Variants in NRAP observed in about 807,000 individuals in gnomAD.
NRAP encodes the protein nebulin related anchoring protein.
NRAP carries 189 observed loss-of-function variants against 225.9 expected under a neutral mutation model. The observed-to-expected ratio is 0.84, with a 90% CI of 0.74 to 0.94. The LOEUF (loss-of-function observed/expected upper bound fraction) is 0.94, where lower values mean the gene tolerates loss of function less well. Ranked by LOEUF, NRAP falls within the 40% of genes least tolerant of loss-of-function variation. The pLI, the probability that NRAP is intolerant of heterozygous loss-of-function variation, is 0.00. For synonymous variants in NRAP, 769 were observed against 790.7 expected (o/e 0.97, Z 0.46); for missense variants, 2,176 against 2,168.7 (o/e 1.00, Z -0.07).
intron 26 of NRAP, among the ~76,000 whole-genome samples, chr10:113,616,220 A>G (rs996129876): frequency 1.6e-4 from 24 of 152,128 alleles, no homozygotes; most frequent in Non-Finnish European, 3.5e-4. Flanking sequence ...CCCTATCTCA[A>G]TCCTCCTCCG....
At chr10:113,599,667 C>A (rs534140970) in intron 35 of NRAP, among the ~76,000 whole-genome samples, 2 of 152,300 alleles carry the variant, frequency 1.3e-5, no homozygotes, top group Admixed American at 1.3e-4. Context: ...CCCAGCCCAG[C>A]TTTGACTATT....
intron 14 of NRAP, among the ~76,000 whole-genome samples, chr10:113,639,600 T>A (rs1012561590): frequency 1.3e-5 from 2 of 152,246 alleles, no homozygotes; most frequent in Admixed American, 1.3e-4. Context: ...AGTAGGTGAC[T>A]TTTATCTTTT....
rs754442813 is a variant in NRAP, at chr10:113,597,117, T to C, written c.4400A>G (p.His1467Arg). Reference sequence around the variant, plus strand: ...GCAGTGCATATAGCTGTTCTTGGCATGAACCAGGTCTGGGGAGTCAACCAC... The same window carrying C: ...GCAGTGCATATAGCTGTTCTTGGCACGAACCAGGTCTGGGGAGTCAACCAC... ...TTVVDSPDLV[H>R]AKNSYMHCNE... Residue 1467 changes from histidine to arginine, a missense_variant, in exon 37 of 42, where the codon CAT (histidine) becomes CGT (arginine). By Grantham distance (29) the His-to-Arg change is conservative. Coordinates refer to ENST00000359988, the MANE Select transcript of NRAP (RefSeq NM_198060.4). The C allele has an allele frequency of 2.5e-6, 4 of 1,613,714 alleles. No individual in the cohort carries two copies. The Admixed American group carries it at 5.0e-5, about 20-fold the overall frequency.
intron 26 of NRAP, among the ~76,000 whole-genome samples, chr10:113,617,096 G>A (rs565919544): frequency 7.9e-5 from 12 of 152,148 alleles, no homozygotes; most frequent in Admixed American, 1.3e-4. Flanking sequence ...TAAGCACAGC[G>A]TCAGGATTCC....
rs781624081 is a variant in NRAP at position 113,615,824 on chromosome 10, T to C, written c.2974-8A>G. The stretch of plus-strand genomic sequence containing the variant: ...TTGTTCCCTGTATAATCTCTGTGGA[T>C]GGAAGGAGGTTTTGCATGAAACCTA... On this transcript the variant is annotated splice_region_variant and splice_polypyrimidine_tract_variant and intron_variant, in intron 26 of 41. Transcript: ENST00000359988. 4.0e-6 allele frequency: 6 copies of C among 1,502,604 alleles called. No individual in the cohort carries two copies. The highest frequency in any genetic ancestry group is 5.6e-6 in the Non-Finnish European group (6 of 1,078,706). The allele number at this position is 1,502,604 out of a possible 1,614,324, so 93.1% of individuals were successfully genotyped here.
At chr10:113,620,791 CA>C (rs2133978849) in intron 24 of NRAP, 83 bp from the exon 25 acceptor site, 1 of 938,788 alleles carries the variant, frequency 1.1e-6, no homozygotes, top group East Asian at 2.4e-5. Flanking sequence ...GCTCCCAACA[CA>C]GCCTTGGTGC....
chr10:113,621,566 AT>A (rs1802019130), intron 24 of NRAP, among the ~76,000 whole-genome samples: 1 of 152,228 alleles, frequency 6.6e-6, no homozygotes, highest in South Asian at 2.1e-4. Flanking sequence ...ACCACTAGGA[AT>A]GACACAAAGA....
At position 113,645,857 on chromosome 10, in the gene NRAP, G is replaced by T. The variant is rs770132751; in HGVS notation, c.1078C>A (p.Gln360Lys). Residue 360 changes from glutamine to lysine, a missense_variant, in exon 11 of 42, where the codon CAG (glutamine) becomes AAG (lysine). Transcript: ENST00000359988. ...ACGAGTTTGTTTACGCTCTGAGCCT[G>T]TTTGAGAACCAAGTTGTCTTGAGCT... ...LPAQDNLVLK[Q>K]AQSVNKLVSE... is the part of the protein sequence containing the mutation. 5 of 1,608,618 alleles carry T rather than the reference G, an allele frequency of 3.1e-6. No homozygotes were observed. The highest frequency in any genetic ancestry group is 4.3e-6 in the Non-Finnish European group (5 of 1,176,146).
At chr10:113,623,166 A>G (rs1848094066) in intron 23 of NRAP, among the ~76,000 whole-genome samples, 2 of 152,258 alleles carry the variant, frequency 1.3e-5, no homozygotes, top group Non-Finnish European at 2.9e-5. Flanking sequence ...GGGATTTTAT[A>G]CAAGGTCTAT....
At position 113,588,971 on chromosome 10, in the gene NRAP, T is replaced by C. The variant is rs1205875720; in HGVS notation, c.*4A>G. On this transcript the variant is annotated 3_prime_UTR_variant, in exon 42 of 42. Transcript: ENST00000359988. ...GGCCTCTCAGGAATCAGGGTGGACA[T>C]GGCTCACAACAGCAGGGCCTTCTTC... 6.2e-7 allele frequency: 1 copy of C among 1,610,530 alleles called. No homozygotes were observed. The highest frequency in any genetic ancestry group is 8.5e-7 in the Non-Finnish European group (1 of 1,176,980).
chr10:113,613,727 A>AT (rs1415898317), intron 29 of NRAP, among the ~76,000 whole-genome samples: 1 of 152,154 alleles, frequency 6.6e-6, no homozygotes. Context: ...CACTGCATGG[A>AT]TCCCTTCTAA....
chr10:113,615,675 C>T, intron 27 of NRAP, 37 bp downstream of exon 27: 1 of 1,163,634 alleles, frequency 8.6e-7, no homozygotes, highest in South Asian at 1.2e-5. Flanking sequence ...CCCCGCTCTC[C>T]CGTCATTAAA....
Position 113,606,170 on chromosome 10 carries a change from G to T in NRAP, c.3807+8C>A, listed in dbSNP as rs773556223. The T allele has an allele frequency of 1.2e-6, 2 of 1,604,228 alleles. No individual in the cohort carries two copies. Among genetic ancestry groups the T allele is most frequent in the Non-Finnish European group, 1.7e-6 (2 of 1,170,924 alleles). On this transcript the variant is annotated splice_region_variant and intron_variant, in intron 33 of 41. Transcript: ENST00000359988. ...GCATGCTTGAACTTAAGTAACAAAA[G>T]GGCTTACGTCACTCAGGTTGGCTGC... is the stretch of plus-strand genomic sequence containing the variant.
intron 31 of NRAP, among the ~76,000 whole-genome samples, 165 bp downstream of exon 31, chr10:113,610,294 G>A (rs1456175264): frequency 6.7e-6 from 1 of 149,938 alleles, no homozygotes; most frequent in Non-Finnish European, 1.5e-5. Context: ...AGGTTGCAGT[G>A]AGCAGAGATC....
chr10:113,651,481 G>A (rs1355714181), intron 7 of NRAP, among the ~76,000 whole-genome samples: 4 of 152,122 alleles, frequency 2.6e-5, no homozygotes, highest in Non-Finnish European at 5.9e-5. Flanking sequence ...TTATCCTGAT[G>A]CTGTCCCTCC....
chr10:113,626,967 C>T (rs932750202), intron 20 of NRAP, among the ~76,000 whole-genome samples: 1 of 152,178 alleles, frequency 6.6e-6, no homozygotes, highest in Non-Finnish European at 1.5e-5. Context: ...GAAAGATGGC[C>T]ACTGAAAACG....
In NRAP at chr10:113,604,857, C is replaced by A. The variant is rs758824435; in HGVS notation, c.3979G>T (p.Asp1327Tyr). The A allele has an allele frequency of 2.5e-6, 4 of 1,614,096 alleles. No individual in the cohort carries two copies. In the Admixed American group the frequency reaches 5.0e-5, roughly 20 times the overall value. Residue 1327 changes from aspartate to tyrosine, a missense_variant, in exon 35 of 42, where the codon GAC (aspartate) becomes TAC (tyrosine). This residue lies in a region of NRAP where 1,708 missense variants were observed against 1,695.5 expected (regional missense o/e 1.01). Transcript: ENST00000359988. ...GKLIGPQSVR[D>Y]DPRIQHCRRM... ...CGGCAGTGCTGGATCCGGGGGTCGT[C>A]TCTTACACTCTGGGGCCCTATGAGT...
At chr10:113,614,729 G>T in intron 28 of NRAP, 110 bp downstream of exon 28, 1 of 709,948 alleles carries the variant, frequency 1.4e-6, no homozygotes, top group East Asian at 2.6e-5. Flanking sequence ...CAGTCAGTTC[G>T]GAGAGGACAG....
chr10:113,653,026 T>C lies in NRAP; in HGVS notation c.479A>G (p.Asp160Gly), dbSNP rs148679332. ...RKSLGEEYTEDYEQPRGKGSF... is the reference protein window; with the variant it reads ...RKSLGEEYTEGYEQPRGKGSF... ...CCCCTTGCCCCTGGGTTGCTCATAGTCTTCTGTATATTCCTGTTGGTCAGA... is the reference window on the plus strand; with the variant it reads ...CCCCTTGCCCCTGGGTTGCTCATAGCCTTCTGTATATTCCTGTTGGTCAGA... Residue 160 changes from aspartate (D) to glycine (G), a missense_variant, in exon 6 of 42, where the codon GAC (aspartate) becomes GGC (glycine). By Grantham distance (94) the Asp-to-Gly change is moderately conservative. Transcript: ENST00000359988. 2 of 1,600,328 alleles carry C rather than the reference T, an allele frequency of 1.2e-6. No homozygotes were observed. Among genetic ancestry groups the C allele is most frequent in the Non-Finnish European group, 1.7e-6 (2 of 1,174,790 alleles).
Sources: gnomAD v4.1 joint callset for allele counts (sites outside exome capture counted in the v4.1 genomes callset) on GRCh38, gnomAD v4.1.1 for gene constraint, gnomAD v4.1.1 regional missense constraint, MANE v1.5 for transcripts, NCBI Gene and HGNC (gene_info 2026-07-23, HGNC 2026-07-21) for gene names.